Variants in RAP1GAP2 observed in about 807,000 individuals in gnomAD.
RAP1GAP2 encodes RAP1 GTPase activating protein 2, also known as rap1 GTPase-activating protein 2.
RAP1GAP2 carries 27 observed loss-of-function variants against 95.0 expected under a neutral mutation model. The observed-to-expected ratio is 0.28, with a 90% confidence interval of 0.21 to 0.39. The LOEUF (loss-of-function observed/expected upper bound fraction) is 0.39. Ranked by LOEUF, RAP1GAP2 falls within the 10% of genes least tolerant of loss-of-function variation. The pLI is 1.00. For missense variants in RAP1GAP2, 771 were observed against 970.0 expected, an observed-to-expected ratio of 0.79 and a Z score of 2.72; for synonymous variants, 373 against 380.9, an observed-to-expected ratio of 0.98 and a Z score of 0.24.
At chr17:2,881,153 C>T (rs544139701) in intron 2 of RAP1GAP2, among the ~76,000 whole-genome samples, 2 of 151,624 alleles carry the variant, frequency 1.3e-5, no homozygotes, top group South Asian at 4.2e-4. Context: ...CCCAGCTACT[C>T]GGGAGGCTGA....
intron 2 of RAP1GAP2, among the ~76,000 whole-genome samples, chr17:2,847,142 G>C (rs1291483461): frequency 1.3e-5 from 2 of 152,182 alleles, no homozygotes; most frequent in Non-Finnish European, 2.9e-5. Flanking sequence ...CCGAGTAGCT[G>C]GGATTACAGG....
chr17:2,879,316 A>G (rs1465967141), intron 2 of RAP1GAP2, among the ~76,000 whole-genome samples: 2 of 150,376 alleles, frequency 1.3e-5, no homozygotes, highest in African/African-American at 4.9e-5. Flanking sequence ...GGGTTTCACC[A>G]TGTTGGCCAG....
chr17:3,032,287 C>G, intron 23 of RAP1GAP2, 124 bp from the exon 24 acceptor site: 1 of 1,069,014 alleles, frequency 9.4e-7, no homozygotes, highest in Non-Finnish European at 1.4e-6. Context: ...AGTGCTTGTT[C>G]CTGGGGTCCT....
chr17:2,908,065 A>G (rs936588595), intron 3 of RAP1GAP2, among the ~76,000 whole-genome samples: 1 of 151,910 alleles, frequency 6.6e-6, no homozygotes, highest in Non-Finnish European at 1.5e-5. Context: ...TCGGCCTCCC[A>G]AAGTGCTGGG....
intron 2 of RAP1GAP2, among the ~76,000 whole-genome samples, chr17:2,864,109 C>T (rs909392891): frequency 1.3e-5 from 2 of 152,022 alleles, no homozygotes; most frequent in East Asian, 1.9e-4. Context: ...CGTCTTGTCC[C>T]GTACGTAGCA....
At chr17:2,964,344 GT>G in intron 7 of RAP1GAP2, 1 of 124,162 alleles carries the variant, frequency 8.1e-6, no homozygotes, top group African/African-American at 3.0e-5. Context: ...GCTGGCGGGG[GT>G]GGGGGGAGGG....
At chr17:3,022,058 C>G (rs2046980761) in intron 19 of RAP1GAP2, among the ~76,000 whole-genome samples, 1 of 152,160 alleles carries the variant, frequency 6.6e-6, no homozygotes, top group Admixed American at 6.5e-5. Context: ...TGAGGAACCT[C>G]CAAACACTGT....
At chr17:3,018,236 C>G (rs778675616) in intron 18 of RAP1GAP2, 38 bp downstream of exon 18, 2 of 1,530,430 alleles carry the variant, frequency 1.3e-6, no homozygotes, top group East Asian at 5.0e-5. Flanking sequence ...AAGTGGGTCC[C>G]AGGGAGGCCC....
chr17:2,777,442 G>A (rs950621399), intron 1 of RAP1GAP2, among the ~76,000 whole-genome samples: 1 of 152,188 alleles, frequency 6.6e-6, no homozygotes, highest in African/African-American at 2.4e-5. Context: ...GAGAGGCCTT[G>A]AGGGATCTTT....
intron 3 of RAP1GAP2, among the ~76,000 whole-genome samples, chr17:2,918,634 A>T (rs969324421): frequency 6.6e-6 from 1 of 151,916 alleles, no homozygotes; most frequent in Non-Finnish European, 1.5e-5. Flanking sequence ...ACACTTTTAA[A>T]CAACCAGAGC....
chr17:2,787,579 T>G (rs557753442), intron 1 of RAP1GAP2, among the ~76,000 whole-genome samples: 1 of 151,890 alleles, frequency 6.6e-6, no homozygotes, highest in Non-Finnish European at 1.5e-5. Context: ...TTTGTTTTGT[T>G]TTTTTTGAGA....
chr17:2,902,365 C>T lies in RAP1GAP2; in HGVS notation c.81-2919C>T, dbSNP rs971948423. ...CCAAGTAGCTCGGATGACAGGCACA[C>T]GCCACCATGCCTGGCTAATTTTTGT... On this transcript the variant is annotated intron_variant, in intron 2 of 24. Coordinates refer to ENST00000254695, the MANE Select transcript of RAP1GAP2 (RefSeq NM_015085.5). This position sits in a 1 kb window ranked among gnomAD's most constrained non-coding sequence, Gnocchi z 4.1. Among the ~76,000 whole-genome samples, 8 of 152,154 alleles carry T rather than the reference C, an allele frequency of 5.3e-5. No individual in the cohort carries two copies. Among genetic ancestry groups the T allele is most frequent in the Admixed American group, 2.0e-4 (3 of 15,264 alleles).
Position 2,800,157 on chromosome 17 carries a change from G to A in RAP1GAP2, c.45-358G>A, listed in dbSNP as rs540614580. ...AAGCCGGGTTGCTGGGTTCTCTTGC[G>A]AGGGTAGCCGTAATAAAGGGAGAGG... On this transcript the variant is annotated intron_variant, in intron 1 of 24. Coordinates refer to ENST00000254695, the MANE Select transcript of RAP1GAP2 (RefSeq NM_015085.5). 1,302 of 985,190 alleles carry A rather than the reference G, an allele frequency of 1.3e-3. 2 individuals carry two copies. Among genetic ancestry groups the A allele is most frequent in the Admixed American group, 2.8e-3 (46 of 16,274 alleles). The allele number at this position is 985,190 out of a possible 1,614,324, so 61.0% of individuals were successfully genotyped here. A position where few individuals can be genotyped will look rare whatever the true frequency, so the allele number is the denominator to read the frequency against.
intron 1 of RAP1GAP2, among the ~76,000 whole-genome samples, chr17:2,782,440 G>T (rs2068682665): frequency 6.6e-6 from 1 of 152,146 alleles, no homozygotes; most frequent in Admixed American, 6.5e-5. Context: ...CGCCCTCAGT[G>T]GCTTGGGCAC....
intron 3 of RAP1GAP2, among the ~76,000 whole-genome samples, chr17:2,914,712 A>G (rs1015981535): frequency 4.0e-5 from 6 of 150,222 alleles, no homozygotes; most frequent in African/African-American, 9.8e-5. Context: ...GGATGGTCTC[A>G]ATCTCCTGAC....
At chr17:2,921,810 C>T (rs573424247) in intron 3 of RAP1GAP2, among the ~76,000 whole-genome samples, 5 of 152,182 alleles carry the variant, frequency 3.3e-5, no homozygotes, top group Non-Finnish European at 7.3e-5. Flanking sequence ...AGCTCCTTGC[C>T]TGCCTCTTCC....
chr17:2,792,123 G>A (rs1405680265), upstream of RAP1GAP2, among the ~76,000 whole-genome samples: 1 of 152,120 alleles, frequency 6.6e-6, no homozygotes, highest in Non-Finnish European at 1.5e-5. Context: ...GCTTCCCAAA[G>A]TGCTGGGATT....
chr17:2,993,713 A>G (rs904776421), intron 12 of RAP1GAP2, among the ~76,000 whole-genome samples: 6 of 152,146 alleles, frequency 3.9e-5, no homozygotes, highest in African/African-American at 1.4e-4. Flanking sequence ...AGATGCTATC[A>G]TTATAAGACA....
intron 2 of RAP1GAP2, among the ~76,000 whole-genome samples, chr17:2,877,207 C>T (rs1376104968): frequency 1.3e-5 from 2 of 152,028 alleles, no homozygotes; most frequent in Non-Finnish European, 2.9e-5. Context: ...TGTTCTTATT[C>T]CCCATGTCCA....
Sources: allele counts gnomAD v4.1 joint callset (sites outside exome capture counted in the v4.1 genomes callset), GRCh38; gene constraint gnomAD v4.1.1; non-coding constraint Gnocchi (gnomAD v3.1); transcripts MANE v1.5; gene names NCBI Gene and HGNC (gene_info 2026-07-23, HGNC 2026-07-21).